The following SEC63 variants were observed in gnomAD, a reference collection of about 807,000 sequenced individuals.
SEC63 encodes SEC63 protein translocation regulator, also known as translocation protein SEC63 homolog.
A neutral mutation model predicts 116.2 loss-of-function variants in SEC63; 56 were observed. The ratio of observed to expected loss-of-function variants is 0.48; its 90% CI spans 0.39 to 0.60. The LOEUF (loss-of-function observed/expected upper bound fraction) is 0.60, where lower values mean the gene tolerates loss of function less well. Among genes scored for constraint, SEC63 ranks in the 20% least tolerant of loss-of-function variants. The pLI is 0.00. For missense variants in SEC63, 668 were observed against 900.0 expected, an observed-to-expected ratio of 0.74 and a Z score of 3.30; for synonymous variants, 273 against 294.6, an observed-to-expected ratio of 0.93 and a Z score of 0.75.
intron 1 of SEC63, among the ~76,000 whole-genome samples, chr6:107,945,328 ACAGAGTCTCACTCTGTCGCC>A (rs1284106537): frequency 1.3e-5 from 2 of 148,848 alleles, no homozygotes; most frequent in Non-Finnish European, 3.0e-5. Flanking sequence ...TTGTTTTGAG[ACAGAGTCTCACTCTGTCGCC>A]CAGGCTGGAG....
chr6:107,874,055 G>C (rs1222382432), intron 19 of SEC63, among the ~76,000 whole-genome samples: 2 of 152,108 alleles, frequency 1.3e-5, no homozygotes, highest in East Asian at 3.8e-4. Flanking sequence ...ATTAGAGGGG[G>C]AGAAAAATAC....
Position 107,894,649 on chromosome 6 carries a change from C to T in SEC63, c.1441-752G>A, listed in dbSNP as rs555446748. On this transcript the variant is annotated intron_variant, in intron 14 of 20. Coordinates refer to ENST00000369002, the MANE Select transcript of SEC63 (RefSeq NM_007214.5). ...TCTATACTAGAAGATGACATGCAGG[C>T]TGTGTTTAATAAACTCCCTAGAATT... Among the ~76,000 whole-genome samples, 12 of 152,254 alleles carry T rather than the reference C, an allele frequency of 7.9e-5. No individual in the cohort carries two copies. The East Asian group carries it at 2.1e-3, about 27-fold the overall frequency.
intron 13 of SEC63, among the ~76,000 whole-genome samples, chr6:107,900,109 C>G (rs1354002479): frequency 6.6e-6 from 1 of 152,064 alleles, no homozygotes; most frequent in Non-Finnish European, 1.5e-5. Flanking sequence ...ATAAATGGTA[C>G]AATGTCTGTG....
chr6:107,953,701 G>C lies in SEC63; in HGVS notation c.124+4185C>G, dbSNP rs1311084356. 2.8e-5 allele frequency among the ~76,000 whole-genome samples: 4 copies of C among 140,766 alleles called. No homozygotes were observed. The East Asian group carries it at 6.7e-4, about 23-fold the overall frequency. The allele number at this position is 140,766 out of a possible 152,430, so 92.3% of individuals were successfully genotyped here. A position where few individuals can be genotyped will look rare whatever the true frequency, so the allele number is the denominator to read the frequency against. ...CGCCCCGTCCGGGAGGGAGGTGGGGGGTCAGCCCCCTGCCCGGCCAGCCGC... is the reference window on the plus strand; with the variant it reads ...CGCCCCGTCCGGGAGGGAGGTGGGGCGTCAGCCCCCTGCCCGGCCAGCCGC... On this transcript the variant is annotated intron_variant, in intron 1 of 20. Transcript: ENST00000369002.
At chr6:107,952,819 A>G (rs368934037) in intron 1 of SEC63, among the ~76,000 whole-genome samples, 1 of 152,206 alleles carries the variant, frequency 6.6e-6, no homozygotes, top group Admixed American at 6.5e-5. Context: ...GCCAGAGCAA[A>G]CCTTTTCATG....
chr6:107,928,310 C>T (rs1221524259), intron 2 of SEC63, among the ~76,000 whole-genome samples: 1 of 151,712 alleles, frequency 6.6e-6, no homozygotes, highest in Non-Finnish European at 1.5e-5. Context: ...TGGTGAAACC[C>T]CATCCCTATA....
intron 11 of SEC63, among the ~76,000 whole-genome samples, chr6:107,903,395 C>CAA (rs750531944): frequency 1.4e-5 from 2 of 141,024 alleles, no homozygotes; most frequent in African/African-American, 2.6e-5. Context: ...CCTTCCATAC[C>CAA]AAAAAAAAAA....
intron 4 of SEC63, among the ~76,000 whole-genome samples, chr6:107,915,988 TAA>T (rs1787391873): frequency 6.6e-6 from 1 of 152,180 alleles, no homozygotes; most frequent in African/African-American, 2.4e-5. Flanking sequence ...ATAACTGAGT[TAA>T]AACTAAACAC....
Position 107,958,182 on chromosome 6 carries a change from C to T in SEC63, c.-173G>A, listed in dbSNP as rs564462159. The stretch of plus-strand genomic sequence containing the variant: ...ACGCCGCCGCCACCTCTGCCGCTGC[C>T]GCCGCCGTCGCCAGCTCTCGCGAGA... On this transcript the variant is annotated 5_prime_UTR_variant, in exon 1 of 21. Coordinates refer to ENST00000369002, the MANE Select transcript of SEC63 (RefSeq NM_007214.5). 2.1e-6 allele frequency: 2 copies of T among 938,056 alleles called. No individual in the cohort carries two copies. Among genetic ancestry groups the T allele is most frequent in the South Asian group, 3.0e-5 (2 of 66,402 alleles). The allele number at this position is 938,056 out of a possible 1,614,324, so 58.1% of individuals were successfully genotyped here.
In SEC63 at chr6:107,881,092, A is replaced by G. The variant is rs1476069391; in HGVS notation, c.1935+57T>C. 1.2e-5 allele frequency: 15 copies of G among 1,266,386 alleles called. No individual in the cohort carries two copies. The African/African-American group carries it at 1.6e-4, about 14-fold the overall frequency. The allele number at this position is 1,266,386 out of a possible 1,614,324, so 78.4% of individuals were successfully genotyped here. ...ACAGAGGGCTAAAAGTCAACTGACAAATCCCTGAGGAGAAAGTGAATGGAA... is the reference window on the plus strand; with the variant it reads ...ACAGAGGGCTAAAAGTCAACTGACAGATCCCTGAGGAGAAAGTGAATGGAA... On this transcript the variant is annotated intron_variant, in intron 18 of 20. Transcript: ENST00000369002.
chr6:107,887,432 G>C (rs1031821648), intron 16 of SEC63, among the ~76,000 whole-genome samples: 4 of 146,306 alleles, frequency 2.7e-5, no homozygotes, highest in African/African-American at 5.1e-5. Flanking sequence ...AAAATGATGA[G>C]TTCATGTCCT....
At chr6:107,924,038 G>A (rs1313493288) in intron 3 of SEC63, among the ~76,000 whole-genome samples, 1 of 152,062 alleles carries the variant, frequency 6.6e-6, no homozygotes, top group Non-Finnish European at 1.5e-5. Context: ...GCCAAGGCGG[G>A]TGGATCATGA....
At chr6:107,927,742 T>C (rs554423986) in intron 2 of SEC63, among the ~76,000 whole-genome samples, 21 of 152,256 alleles carry the variant, frequency 1.4e-4, no homozygotes, top group African/African-American at 4.8e-4. Flanking sequence ...CCCCCACAGA[T>C]ACTAAAATCC....
At chr6:107,927,414 TC>T (rs767668779) in intron 2 of SEC63, among the ~76,000 whole-genome samples, 10 of 152,188 alleles carry the variant, frequency 6.6e-5, no homozygotes, top group African/African-American at 9.7e-5. Context: ...TGCCTTAGTT[TC>T]GCACATGTGT....
chr6:107,951,676 A>T (rs1219907724), intron 1 of SEC63, among the ~76,000 whole-genome samples: 2 of 152,172 alleles, frequency 1.3e-5, no homozygotes, highest in Non-Finnish European at 2.9e-5. Context: ...GGATGGGTAC[A>T]AGTGTTTTAA....
chr6:107,897,549 C>A lies in SEC63; in HGVS notation c.1440+100G>T, dbSNP rs567080044. ...GTTAACAGAATTTGCAAAATTAGAT[C>A]TTGGTATTACAACAGTTTTGACTTT... On this transcript the variant is annotated intron_variant, in intron 14 of 20. Transcript: ENST00000369002. The A allele has an allele frequency of 3.5e-6, 3 of 859,600 alleles. No individual in the cohort carries two copies. The African/African-American group carries it at 5.1e-5, about 15-fold the overall frequency. The allele number at this position is 859,600 out of a possible 1,614,324, so 53.2% of individuals were successfully genotyped here.
chr6:107,917,117 T>C (rs1038075456), intron 4 of SEC63, among the ~76,000 whole-genome samples: 3 of 152,220 alleles, frequency 2.0e-5, no homozygotes, highest in African/African-American at 7.2e-5. Flanking sequence ...AAGGCATTCT[T>C]AAGCCACAAA....
chr6:107,906,366 A>T, intron 10 of SEC63, 82 bp downstream of exon 10: 2 of 1,461,638 alleles, frequency 1.4e-6, no homozygotes, highest in Non-Finnish European at 1.9e-6. Context: ...ATGCGAGAAC[A>T]AACTAATACA....
chr6:107,929,351 A>G, intron 2 of SEC63, 64 bp downstream of exon 2: 1 of 828,008 alleles, frequency 1.2e-6, no homozygotes, highest in Non-Finnish European at 2.1e-6. Context: ...TTACACGTAT[A>G]TGTTGTATGA....
Sources: allele counts gnomAD v4.1 joint callset (sites outside exome capture counted in the v4.1 genomes callset), GRCh38; gene constraint gnomAD v4.1.1; transcripts MANE v1.5; gene names NCBI Gene and HGNC (gene_info 2026-07-23, HGNC 2026-07-21).